Variants in ADCY2 observed in about 807,000 individuals in gnomAD.
The protein encoded by ADCY2 is adenylate cyclase type 2.
Under a neutral mutation model 125.2 loss-of-function variants are expected in ADCY2, and 31 were observed. That is an observed-to-expected ratio of 0.25 (90% CI 0.19 to 0.33). The LOEUF is 0.33. Among genes scored for constraint, ADCY2 ranks in the 10% least tolerant of loss-of-function variants. ADCY2 has a pLI of 1.00. For missense variants in ADCY2, 904 were observed against 1,418.2 expected, an observed-to-expected ratio of 0.64 and a Z score of 5.82; for synonymous variants, 512 against 548.4, an observed-to-expected ratio of 0.93 and a Z score of 0.93.
intron 11 of ADCY2, 63 bp from the exon 12 acceptor site, chr5:7,717,094 A>C: frequency 9.3e-7 from 1 of 1,072,064 alleles, no homozygotes; most frequent in Admixed American, 2.0e-5. Context: ...ATCTCTAAAA[A>C]ATTGGCTTAA....
intron 16 of ADCY2, among the ~76,000 whole-genome samples, chr5:7,764,712 T>C (rs190958571): frequency 3.2e-4 from 49 of 152,314 alleles, no homozygotes; most frequent in Admixed American, 3.0e-3. Flanking sequence ...GAAAATTAAA[T>C]TGGGTCCAGA....
intron 16 of ADCY2, among the ~76,000 whole-genome samples, chr5:7,761,966 G>A (rs1264444991): frequency 2.0e-5 from 3 of 152,098 alleles, no homozygotes; most frequent in Non-Finnish European, 4.4e-5. Flanking sequence ...TGACCCTTGA[G>A]GTGTATTTCT....
At chr5:7,417,794 T>G (rs79407016) in intron 2 of ADCY2, among the ~76,000 whole-genome samples, 1,675 of 152,256 alleles carry the variant, frequency 0.011, 30 homozygotes, top group African/African-American at 0.038. Context: ...CTTTGTTTAT[T>G]GATTGTCTGC....
chr5:7,767,178 C>T (rs572040768), intron 17 of ADCY2, among the ~76,000 whole-genome samples: 1 of 152,258 alleles, frequency 6.6e-6, no homozygotes, highest in South Asian at 2.1e-4. Context: ...ATATTATCCC[C>T]CTTAAAGCTG....
In ADCY2 at chr5:7,790,048, G is replaced by A. The variant is rs1266891074; in HGVS notation, c.2628+248G>A. On this transcript the variant is annotated intron_variant, in intron 20 of 24. Transcript: ENST00000338316. ...GAGTCTGGAGGTGGATTCATTATTA[G>A]AGATTTTTTCCCCAATCATGTAAAG... Among the ~76,000 whole-genome samples the A allele has an allele frequency of 3.3e-5, 5 of 152,298 alleles. No homozygotes were observed. The East Asian group carries it at 9.6e-4, about 29-fold the overall frequency.
chr5:7,630,797 T>C, intron 4 of ADCY2, among the ~76,000 whole-genome samples: 1 of 150,630 alleles, frequency 6.6e-6, no homozygotes, highest in East Asian at 1.9e-4. Context: ...TCTTTTTTTT[T>C]TTTTTTTGAG....
intron 4 of ADCY2, among the ~76,000 whole-genome samples, chr5:7,679,065 C>A (rs944983822): frequency 4.6e-5 from 7 of 152,190 alleles, no homozygotes; most frequent in Admixed American, 3.3e-4. Context: ...ACGCTTGAAG[C>A]AAACAGGTGA....
chr5:7,454,743 C>CT (rs974893564), intron 2 of ADCY2, among the ~76,000 whole-genome samples: 4 of 152,158 alleles, frequency 2.6e-5, no homozygotes, highest in African/African-American at 9.6e-5. Flanking sequence ...GGGGTGTTTT[C>CT]TTTTCATTTA....
chr5:7,706,619 G>A, intron 7 of ADCY2, 125 bp from the exon 8 acceptor site: 6 of 1,081,640 alleles, frequency 5.5e-6, no homozygotes, highest in Non-Finnish European at 8.2e-6. Context: ...CCTGCCATAG[G>A]AAGGTTTATG....
chr5:7,731,829 C>T (rs957851920), intron 14 of ADCY2, among the ~76,000 whole-genome samples: 1 of 152,122 alleles, frequency 6.6e-6, no homozygotes, highest in African/African-American at 2.4e-5. Flanking sequence ...TCTCAAACTT[C>T]TAGCCTCAAG....
At chr5:7,439,269 G>C (rs535124927) in intron 2 of ADCY2, among the ~76,000 whole-genome samples, 1 of 152,138 alleles carries the variant, frequency 6.6e-6, no homozygotes, top group Non-Finnish European at 1.5e-5. Flanking sequence ...ACCTGGCTGG[G>C]CAGGCCTCAC....
At chr5:7,441,972 G>C (rs1561027573) in intron 2 of ADCY2, among the ~76,000 whole-genome samples, 1 of 152,126 alleles carries the variant, frequency 6.6e-6, no homozygotes, top group Non-Finnish European at 1.5e-5. Flanking sequence ...TTACATAAGT[G>C]AATCCCTTAA....
chr5:7,409,516 T>C (rs745604845), intron 1 of ADCY2, among the ~76,000 whole-genome samples: 13 of 152,258 alleles, frequency 8.5e-5, no homozygotes, highest in Non-Finnish European at 1.8e-4. Context: ...TAAGATAAAT[T>C]ATGCTGTAAT....
At chr5:7,820,741 G>A in intron 24 of ADCY2, 52 bp downstream of exon 24, 1 of 1,561,938 alleles carries the variant, frequency 6.4e-7, no homozygotes, top group Non-Finnish European at 8.7e-7. Flanking sequence ...CTGTTCTCTT[G>A]GGAACCATAA....
In ADCY2 at chr5:7,490,753, C is replaced by A. The variant is rs150858531; in HGVS notation, c.409-29985C>A. Among the ~76,000 whole-genome samples, 13 of 152,266 alleles carry A rather than the reference C, an allele frequency of 8.5e-5. No individual in the cohort carries two copies. The East Asian group carries it at 2.3e-3, about 27-fold the overall frequency. ...CAGATGGTTAAGTGTCTTAAATCTA[C>A]TTGGTTTAAGGTATGCCAAGCAACC... On this transcript the variant is annotated intron_variant, in intron 2 of 24. Coordinates refer to ENST00000338316, the MANE Select transcript of ADCY2 (RefSeq NM_020546.3).
At chr5:7,798,520 C>G (rs563022955) in intron 20 of ADCY2, 10 of 151,750 alleles carry the variant, frequency 6.6e-5, no homozygotes, top group African/African-American at 2.4e-4. Flanking sequence ...AAGGCCCACA[C>G]TGGGGAAGGG....
At chr5:7,502,831 G>A (rs921992011) in intron 2 of ADCY2, among the ~76,000 whole-genome samples, 5 of 152,156 alleles carry the variant, frequency 3.3e-5, no homozygotes, top group Non-Finnish European at 7.3e-5. Flanking sequence ...GATGTCAGTA[G>A]AGCAAAATCG....
At chr5:7,610,470 T>C (rs1224701273) in intron 3 of ADCY2, among the ~76,000 whole-genome samples, 3 of 152,270 alleles carry the variant, frequency 2.0e-5, no homozygotes, top group Non-Finnish European at 2.9e-5. Flanking sequence ...GTAACTGATA[T>C]TCTTGCCTAG....
intron 4 of ADCY2, among the ~76,000 whole-genome samples, chr5:7,663,430 G>A (rs1004118768): frequency 3.9e-5 from 6 of 152,180 alleles, no homozygotes; most frequent in African/African-American, 9.7e-5. Flanking sequence ...CACCTCCCAC[G>A]GGGGGGCCTG....
Sources: allele counts gnomAD v4.1 joint callset (sites outside exome capture counted in the v4.1 genomes callset), GRCh38; gene constraint gnomAD v4.1.1; transcripts MANE v1.5; gene names NCBI Gene and HGNC (gene_info 2026-07-23, HGNC 2026-07-21).